The following ZNF804B variants were observed in gnomAD, a reference collection of about 807,000 sequenced individuals.
ZNF804B encodes the protein zinc finger protein 804B, also known as zinc finger 804B.
In ZNF804B, 80 loss-of-function variants were observed where a neutral mutation model predicts 101.4. The ratio of observed to expected loss-of-function variants is 0.79; its 90% CI spans 0.66 to 0.95. The LOEUF (loss-of-function observed/expected upper bound fraction) is 0.95. ZNF804B is among the 40% of genes least tolerant of loss of function. The pLI, the probability that ZNF804B is intolerant of heterozygous loss-of-function variation, is 0.00. For synonymous variants in ZNF804B, 622 were observed against 558.8 expected, an observed-to-expected ratio of 1.11 and a Z score of -1.59; for missense variants, 1,673 against 1,561.9, an observed-to-expected ratio of 1.07 and a Z score of -1.20.
At chr7:89,079,851 T>C (rs369354171) in intron 1 of ZNF804B, among the ~76,000 whole-genome samples, 56 of 151,998 alleles carry the variant, frequency 3.7e-4, no homozygotes, top group African/African-American at 1.2e-3. Flanking sequence ...TCAATACTGG[T>C]ATATTCAGGG....
At chr7:89,317,040 G>A (rs1037323665) in intron 2 of ZNF804B, among the ~76,000 whole-genome samples, 2 of 152,130 alleles carry the variant, frequency 1.3e-5, no homozygotes, top group African/African-American at 4.8e-5. Context: ...AATGGAGGGA[G>A]GTCAGGACTA....
chr7:89,098,570 C>T (rs1790004116), intron 1 of ZNF804B, among the ~76,000 whole-genome samples: 1 of 151,974 alleles, frequency 6.6e-6, no homozygotes, highest in Non-Finnish European at 1.5e-5. Flanking sequence ...TTGCGTCCGG[C>T]CCATAACAAC....
chr7:89,205,994 A>G (rs549639210), intron 1 of ZNF804B, among the ~76,000 whole-genome samples: 1 of 152,312 alleles, frequency 6.6e-6, no homozygotes, highest in African/African-American at 2.4e-5. Flanking sequence ...CCAAATCTCA[A>G]TTCTTGACTT....
At chr7:88,962,297 C>T (rs1199549440) in intron 1 of ZNF804B, among the ~76,000 whole-genome samples, 3 of 151,162 alleles carry the variant, frequency 2.0e-5, no homozygotes, top group Non-Finnish European at 4.4e-5. Context: ...CTCAGGATAC[C>T]ATCTAATTCT....
chr7:89,109,200 T>G (rs1370067389), intron 1 of ZNF804B, among the ~76,000 whole-genome samples: 1 of 152,176 alleles, frequency 6.6e-6, no homozygotes, highest in East Asian at 1.9e-4. Flanking sequence ...CTGTTTAATT[T>G]ACCAACCTAT....
At chr7:89,219,896 T>TATATGTGTGTGCATATATATGTATATAC (rs1562920025) in intron 2 of ZNF804B, among the ~76,000 whole-genome samples, 33 of 21,910 alleles carry the variant, frequency 1.5e-3, no homozygotes, top group East Asian at 9.0e-3. Flanking sequence ...TATATATGTA[T>TATATGTGTGTGCATATATATGTATATAC]ATATGTGTGT....
chr7:89,183,271 CA>C (rs1350627469), intron 1 of ZNF804B, among the ~76,000 whole-genome samples: 7 of 151,788 alleles, frequency 4.6e-5, no homozygotes, highest in Non-Finnish European at 1.5e-5. Flanking sequence ...AGGAACAGAC[CA>C]AAAAGTGTAC....
At chr7:88,934,539 A>G (rs1405719766) in intron 1 of ZNF804B, among the ~76,000 whole-genome samples, 1 of 152,040 alleles carries the variant, frequency 6.6e-6, no homozygotes, top group East Asian at 1.9e-4. Context: ...CAAGGAACTC[A>G]AATCGGCAAG....
At chr7:88,886,906 A>C (rs149451310) in intron 1 of ZNF804B, among the ~76,000 whole-genome samples, 4,294 of 126,254 alleles carry the variant, frequency 0.034, 213 homozygotes, top group African/African-American at 0.15. Context: ...ACTTAGGAAA[A>C]ATAGACTATT....
chr7:89,037,249 G>A (rs939338362), intron 1 of ZNF804B, among the ~76,000 whole-genome samples: 3 of 152,014 alleles, frequency 2.0e-5, no homozygotes, highest in Non-Finnish European at 2.9e-5. Context: ...ATCAAATATA[G>A]TAATCATTTA....
intron 1 of ZNF804B, among the ~76,000 whole-genome samples, chr7:89,171,361 C>CTTT (rs1562904594): frequency 8.3e-6 from 1 of 119,874 alleles, no homozygotes; most frequent in African/African-American, 3.2e-5. Flanking sequence ...TCTTCTTCCT[C>CTTT]CTCTTCCTCT....
chr7:89,044,383 C>A (rs1003851072), intron 1 of ZNF804B, among the ~76,000 whole-genome samples: 4 of 152,040 alleles, frequency 2.6e-5, no homozygotes, highest in Non-Finnish European at 1.5e-5. Flanking sequence ...AGCATGAGAA[C>A]GGACTAATAC....
At chr7:89,023,716 T>C (rs1788704441) in intron 1 of ZNF804B, among the ~76,000 whole-genome samples, 1 of 152,198 alleles carries the variant, frequency 6.6e-6, no homozygotes, top group African/African-American at 2.4e-5. Flanking sequence ...AGAAAATCCA[T>C]GCAGAGACAA....
At chr7:89,274,137 T>TTTTA in intron 2 of ZNF804B, among the ~76,000 whole-genome samples, 1 of 145,596 alleles carries the variant, frequency 6.9e-6, no homozygotes, top group Admixed American at 6.9e-5. Context: ...TTTTTTTTTC[T>TTTTA]TTTTATTTTA....
intron 1 of ZNF804B, among the ~76,000 whole-genome samples, chr7:88,903,240 G>C (rs971109200): frequency 2.0e-5 from 3 of 152,004 alleles, no homozygotes; most frequent in African/African-American, 7.2e-5. Flanking sequence ...GGGGATTATG[G>C]CCTCCAGTTC....
At chr7:89,279,965 A>G (rs1412360139) in intron 2 of ZNF804B, among the ~76,000 whole-genome samples, 4 of 152,072 alleles carry the variant, frequency 2.6e-5, no homozygotes, top group Admixed American at 6.6e-5. Flanking sequence ...ATTTTTTTCA[A>G]CACCACACCA....
chr7:89,166,519 C>T (rs73705755), intron 1 of ZNF804B, among the ~76,000 whole-genome samples: 30,657 of 152,020 alleles, frequency 0.2, 3,315 homozygotes, highest in Non-Finnish European at 0.22. Context: ...GTTTGCAAGA[C>T]GAATTGTCTG....
At chr7:88,821,359 T>A (rs1351122935) in intron 1 of ZNF804B, among the ~76,000 whole-genome samples, 1 of 152,216 alleles carries the variant, frequency 6.6e-6, no homozygotes, top group Non-Finnish European at 1.5e-5. Context: ...ATATGATGAA[T>A]CTATATGTGA....
At chr7:88,912,133 C>T (rs1240813260) in intron 1 of ZNF804B, among the ~76,000 whole-genome samples, 5 of 152,062 alleles carry the variant, frequency 3.3e-5, no homozygotes, top group Admixed American at 1.3e-4. Context: ...ATTTTGCACT[C>T]TCATCAGAAA....
Sources: gnomAD v4.1 joint callset for allele counts (sites outside exome capture counted in the v4.1 genomes callset) on GRCh38, gnomAD v4.1.1 for gene constraint, MANE v1.5 for transcripts, NCBI Gene and HGNC (gene_info 2026-07-23, HGNC 2026-07-21) for gene names.